The following SH3GL2 variants were observed in gnomAD, a reference collection of about 807,000 sequenced individuals.
SH3GL2 encodes SH3 domain containing GRB2 like 2, endophilin A1.
A neutral mutation model predicts 46.0 loss-of-function variants in SH3GL2; 24 were observed. That is an observed-to-expected ratio of 0.52 (90% CI 0.38 to 0.73). The LOEUF (loss-of-function observed/expected upper bound fraction) is 0.73, where lower values mean the gene tolerates loss of function less well. Ranked by LOEUF, SH3GL2 falls within the 30% of genes least tolerant of loss-of-function variation. SH3GL2 has a pLI of 0.00. For missense variants in SH3GL2, 413 were observed against 424.2 expected (o/e 0.97, Z 0.23); for synonymous variants, 196 against 147.1 (o/e 1.33, Z -2.40).
In SH3GL2 at chr9:17,699,332, AG is replaced by A. The variant is rs1588252682; in HGVS notation, c.46-47732del. On this transcript the variant is annotated intron_variant, in intron 1 of 8. Coordinates refer to ENST00000380607, the MANE Select transcript of SH3GL2 (RefSeq NM_003026.5). ...AACTGTTGCATAGCATTCAAGGTGAAGGAAACAAGCAGTCACAGCTTATATT... is the reference window on the plus strand; with the variant it reads ...AACTGTTGCATAGCATTCAAGGTGAAGAAACAAGCAGTCACAGCTTATATT... Among the ~76,000 whole-genome samples the A allele has an allele frequency of 3.3e-5, 5 of 152,248 alleles. No individual in the cohort carries two copies. In the East Asian group the frequency reaches 9.7e-4, roughly 29 times the overall value.
chr9:17,761,346 A>G, intron 2 of SH3GL2, 91 bp from the exon 3 acceptor site: 1 of 812,060 alleles, frequency 1.2e-6, no homozygotes, highest in Non-Finnish European at 2.2e-6. Context: ...GCTCTGTTGC[A>G]TACCCCGCCA....
chr9:17,597,459 G>C (rs1348975835), intron 1 of SH3GL2, among the ~76,000 whole-genome samples: 1 of 151,924 alleles, frequency 6.6e-6, no homozygotes, highest in African/African-American at 2.4e-5. Context: ...GGAGGTTGCA[G>C]TGAGCCAAGA....
chr9:17,731,016 C>A (rs1822163744), intron 1 of SH3GL2, among the ~76,000 whole-genome samples: 1 of 152,078 alleles, frequency 6.6e-6, no homozygotes, highest in Admixed American at 6.6e-5. Flanking sequence ...CAGAGAGAGC[C>A]ATATGTTCTT....
intron 1 of SH3GL2, among the ~76,000 whole-genome samples, chr9:17,616,849 T>C (rs746786234): frequency 3.3e-5 from 5 of 152,212 alleles, no homozygotes; most frequent in Non-Finnish European, 5.9e-5. Flanking sequence ...TTTGTTACTT[T>C]TATTTCTGAA....
chr9:17,711,220 G>A (rs1160538927), intron 1 of SH3GL2, among the ~76,000 whole-genome samples: 1 of 151,822 alleles, frequency 6.6e-6, no homozygotes, highest in Non-Finnish European at 1.5e-5. Flanking sequence ...ACTACCATTA[G>A]TGTTTTTTTA....
Position 17,621,772 on chromosome 9 carries a change from A to G in SH3GL2, c.45+42485A>G, listed in dbSNP as rs111503622. On this transcript the variant is annotated intron_variant, in intron 1 of 8. Transcript: ENST00000380607. ...AGTGGTGGAGAGTTAAAGCCATTAC[A>G]TGGATCACTCAGGACAAAAACAAAT... 3.1e-3 allele frequency among the ~76,000 whole-genome samples: 478 copies of G among 152,316 alleles called. 2 individuals are homozygous for G. The highest frequency in any genetic ancestry group is 0.01 in the African/African-American group (429 of 41,570).
intron 1 of SH3GL2, among the ~76,000 whole-genome samples, chr9:17,657,196 C>A (rs1820106357): frequency 6.6e-6 from 1 of 152,150 alleles, no homozygotes; most frequent in African/African-American, 2.4e-5. Flanking sequence ...AGGCACTTTA[C>A]ATTGAGTAGT....
At chr9:17,762,443 A>G (rs1823205597) in intron 3 of SH3GL2, among the ~76,000 whole-genome samples, 1 of 150,810 alleles carries the variant, frequency 6.6e-6, no homozygotes, top group Non-Finnish European at 1.5e-5. Context: ...GAGAGGAAGC[A>G]GGTGTGTGCT....
At chr9:17,613,083 C>G (rs532377181) in intron 1 of SH3GL2, among the ~76,000 whole-genome samples, 1 of 152,154 alleles carries the variant, frequency 6.6e-6, no homozygotes, top group Non-Finnish European at 1.5e-5. Flanking sequence ...TCACCTTTAT[C>G]CTAAGCTTTG....
intron 1 of SH3GL2, among the ~76,000 whole-genome samples, chr9:17,688,587 G>C (rs74305187): frequency 0.095 from 14,493 of 151,990 alleles, 845 homozygotes; most frequent in Admixed American, 0.15. Flanking sequence ...ATTCTAGTAT[G>C]GGGGCAGGAA....
intron 1 of SH3GL2, among the ~76,000 whole-genome samples, chr9:17,619,399 G>T (rs1232559352): frequency 6.6e-6 from 1 of 152,130 alleles, no homozygotes; most frequent in African/African-American, 2.4e-5. Flanking sequence ...TAGGTGAGGT[G>T]GGGCATGGTG....
intron 1 of SH3GL2, among the ~76,000 whole-genome samples, chr9:17,674,535 G>A (rs1588226564): frequency 6.6e-6 from 1 of 152,128 alleles, no homozygotes; most frequent in Non-Finnish European, 1.5e-5. Context: ...CAAAGTGCTG[G>A]GATTACAGGT....
chr9:17,673,655 T>C (rs147725233), intron 1 of SH3GL2, among the ~76,000 whole-genome samples: 3 of 152,330 alleles, frequency 2.0e-5, no homozygotes, highest in African/African-American at 7.2e-5. Flanking sequence ...TCCATCTTGA[T>C]GTCTTGCCAT....
At chr9:17,782,760 A>G (rs1469756258) in intron 3 of SH3GL2, among the ~76,000 whole-genome samples, 1 of 152,154 alleles carries the variant, frequency 6.6e-6, no homozygotes, top group Admixed American at 6.6e-5. Flanking sequence ...GAAGCATTTT[A>G]TAAAAAATTA....
chr9:17,704,286 C>T (rs910569109), intron 1 of SH3GL2, among the ~76,000 whole-genome samples: 4 of 151,808 alleles, frequency 2.6e-5, no homozygotes, highest in Admixed American at 6.6e-5. Context: ...TCAAAGAAAT[C>T]GGAGATAACT....
At chr9:17,596,639 G>A (rs1349234395) in intron 1 of SH3GL2, among the ~76,000 whole-genome samples, 1 of 152,196 alleles carries the variant, frequency 6.6e-6, no homozygotes, top group East Asian at 1.9e-4. Flanking sequence ...CGTTCCCAGT[G>A]ATCCCTGTTG....
chr9:17,614,086 A>G (rs545449330), intron 1 of SH3GL2, among the ~76,000 whole-genome samples: 43 of 152,088 alleles, frequency 2.8e-4, no homozygotes, highest in East Asian at 1.2e-3. Context: ...CCATTTATCT[A>G]TCTTTTCAAC....
chr9:17,670,116 T>G (rs1289375529), intron 1 of SH3GL2, among the ~76,000 whole-genome samples: 3 of 152,120 alleles, frequency 2.0e-5, no homozygotes, highest in Non-Finnish European at 2.9e-5. Context: ...GTCCTCAGCC[T>G]GAGCTACTCC....
At chr9:17,713,137 G>A (rs1489848635) in intron 1 of SH3GL2, among the ~76,000 whole-genome samples, 1 of 151,026 alleles carries the variant, frequency 6.6e-6, no homozygotes, top group Non-Finnish European at 1.5e-5. Flanking sequence ...TGATGGTGTA[G>A]TTTTCCTTTT....
Sources: allele counts gnomAD v4.1 joint callset (sites outside exome capture counted in the v4.1 genomes callset), GRCh38; gene constraint gnomAD v4.1.1; transcripts MANE v1.5; gene names NCBI Gene and HGNC (gene_info 2026-07-23, HGNC 2026-07-21).